Variants in CPSF3 observed in about 807,000 individuals in gnomAD.
CPSF3 encodes cleavage and polyadenylation specific factor 3.
A neutral mutation model predicts 84.1 loss-of-function variants in CPSF3; 57 were observed. The ratio of observed to expected loss-of-function variants is 0.68; its 90% CI spans 0.55 to 0.85. The LOEUF (loss-of-function observed/expected upper bound fraction) is 0.85, where lower values mean the gene tolerates loss of function less well. Ranked by LOEUF, CPSF3 falls within the 40% of genes least tolerant of loss-of-function variation. CPSF3 has a pLI of 0.00. For synonymous variants in CPSF3, 275 were observed against 278.1 expected, an observed-to-expected ratio of 0.99 and a Z score of 0.11; for missense variants, 522 against 838.8, an observed-to-expected ratio of 0.62 and a Z score of 4.66.
Position 9,440,391 on chromosome 2 carries a change from T to C in CPSF3, c.761-100T>C, listed in dbSNP as rs557252485. 1.9e-5 allele frequency: 18 copies of C among 940,458 alleles called. No homozygotes were observed. The African/African-American group carries it at 2.0e-4, about 10-fold the overall frequency. The allele number at this position is 940,458 out of a possible 1,614,324, so 58.3% of individuals were successfully genotyped here. A position where few individuals can be genotyped will look rare whatever the true frequency, so the allele number is the denominator to read the frequency against. ...TATAGTTGTGTGCTTTATTTCTTGG[T>C]TGTATGTGTATCATTTCTTGTTCTG... On this transcript the variant is annotated intron_variant, in intron 7 of 17. Transcript: ENST00000238112.
intron 11 of CPSF3, among the ~76,000 whole-genome samples, chr2:9,451,380 T>A (rs1393315903): frequency 6.6e-6 from 1 of 152,336 alleles, no homozygotes; most frequent in East Asian, 1.9e-4. Context: ...CTGTTTGCCC[T>A]TACTTGCTTA....
intron 16 of CPSF3, among the ~76,000 whole-genome samples, chr2:9,469,500 G>A (rs1183693908): frequency 6.6e-6 from 1 of 152,172 alleles, no homozygotes; most frequent in Non-Finnish European, 1.5e-5. Context: ...GCTGCAGTCG[G>A]GGTGCAGAAT....
intron 12 of CPSF3, among the ~76,000 whole-genome samples, chr2:9,453,965 A>G (rs1681422733): frequency 6.6e-6 from 1 of 152,200 alleles, no homozygotes; most frequent in African/African-American, 2.4e-5. Flanking sequence ...CATAGTTGAT[A>G]CACATTTCCA....
At chr2:9,466,346 G>GCA (rs1681963335) in intron 15 of CPSF3, among the ~76,000 whole-genome samples, 2 of 90,086 alleles carry the variant, frequency 2.2e-5, no homozygotes, top group East Asian at 4.8e-4. Context: ...ACACACGCGC[G>GCA]CGCGCGCACA....
intron 4 of CPSF3, among the ~76,000 whole-genome samples, chr2:9,431,532 T>A (rs1448834968): frequency 1.7e-4 from 18 of 106,278 alleles, no homozygotes; most frequent in Non-Finnish European, 3.6e-4. Context: ...TATACATATT[T>A]TTTTTTTCTT....
intron 8 of CPSF3, 113 bp from the exon 9 acceptor site, chr2:9,441,705 C>T: frequency 9.6e-7 from 1 of 1,040,158 alleles, no homozygotes; most frequent in South Asian, 1.6e-5. Context: ...CTTGTGAAGG[C>T]TCTTTCAGTG....
At position 9,441,759 on chromosome 2, in the gene CPSF3, G is replaced by T. The variant is rs112943345; in HGVS notation, c.937-59G>T. On this transcript the variant is annotated intron_variant, in intron 8 of 17. Transcript: ENST00000238112. ...CCTTTTGTTATTCTTTAAAAAGAAA[G>T]AATGCTTTGTCAGCTGCTGGTAGCT... 234 of 1,541,590 alleles carry T rather than the reference G, an allele frequency of 1.5e-4. 2 individuals are homozygous for T. The African/African-American group carries it at 2.2e-3, about 15-fold the overall frequency.
At position 9,431,529 on chromosome 2, in the gene CPSF3, ATTTTTTTTTTCT is replaced by A. The variant is rs1162568384; in HGVS notation, c.341+671_341+682del. Among the ~76,000 whole-genome samples the A allele has an allele frequency of 3.6e-3, 472 of 131,712 alleles. 4 individuals carry two copies. Among genetic ancestry groups the A allele is most frequent in the African/African-American group, 0.012 (383 of 32,428 alleles). 86.4% of individuals were successfully genotyped at this position (131,712 alleles called of 152,430 possible). On this transcript the variant is annotated intron_variant, in intron 4 of 17. Coordinates refer to ENST00000238112, the MANE Select transcript of CPSF3 (RefSeq NM_016207.4). ...CACACAAAGATAAATAAATATACAT[ATTTTTTTTTTCT>A]TTTTTTTTTTCTTTTTTTTTTGAGA...
intron 16 of CPSF3, among the ~76,000 whole-genome samples, chr2:9,470,693 G>A (rs1682134909): frequency 1.3e-5 from 2 of 152,182 alleles, no homozygotes; most frequent in Non-Finnish European, 2.9e-5. Flanking sequence ...TTGAATGCCG[G>A]CTCAGCTGTT....
At chr2:9,463,133 T>C (rs1681788375) in intron 15 of CPSF3, among the ~76,000 whole-genome samples, 1 of 152,212 alleles carries the variant, frequency 6.6e-6, no homozygotes, top group African/African-American at 2.4e-5. Context: ...CAGGGCTTCC[T>C]GATAGGGTTT....
chr2:9,442,145 G>A (rs1680975499), intron 9 of CPSF3, among the ~76,000 whole-genome samples, 169 bp downstream of exon 9: 2 of 152,208 alleles, frequency 1.3e-5, no homozygotes, highest in Non-Finnish European at 2.9e-5. Flanking sequence ...GTAGAATTAT[G>A]CAGACACTGA....
intron 15 of CPSF3, among the ~76,000 whole-genome samples, chr2:9,461,840 C>CA (rs1159431233): frequency 6.7e-6 from 1 of 148,378 alleles, no homozygotes. Context: ...CGGCTCACTG[C>CA]AACCTCTGCC....
chr2:9,440,522 T>C lies in CPSF3; in HGVS notation c.792T>C (p.His264=). ...DEYWQNHPEL[H]DIPIYYASSL... ...ACTGGCAGAATCACCCAGAACTACA[T>C]GACATTCCAATATACTATGCATCAT... The change falls in exon 8 of 18, where the codon CAT becomes CAC. Residue 264 remains histidine, a synonymous_variant. Coordinates refer to ENST00000238112, the MANE Select transcript of CPSF3 (RefSeq NM_016207.4). The C allele has an allele frequency of 6.2e-7, 1 of 1,614,160 alleles. No individual in the cohort carries two copies. The highest frequency in any genetic ancestry group is 8.5e-7 in the Non-Finnish European group (1 of 1,180,006).
intron 5 of CPSF3, among the ~76,000 whole-genome samples, chr2:9,433,534 A>T (rs1335954878): frequency 6.6e-6 from 1 of 152,190 alleles, no homozygotes; most frequent in African/African-American, 2.4e-5. Context: ...CCGGTTTTAG[A>T]CCATGTACCT....
chr2:9,435,796 G>A (rs1182312012), intron 6 of CPSF3, among the ~76,000 whole-genome samples: 1 of 151,782 alleles, frequency 6.6e-6, no homozygotes, highest in Non-Finnish European at 1.5e-5. Context: ...GCAATGGTGC[G>A]ATCTCGGCTC....
chr2:9,440,926 C>A (rs1200513102), intron 8 of CPSF3, among the ~76,000 whole-genome samples: 2 of 152,214 alleles, frequency 1.3e-5, no homozygotes, highest in African/African-American at 2.4e-5. Context: ...AGTCTTACCG[C>A]TTCTCAACAG....
chr2:9,459,976 C>A (rs1681681628), intron 15 of CPSF3, among the ~76,000 whole-genome samples: 1 of 151,884 alleles, frequency 6.6e-6, no homozygotes, highest in Admixed American at 6.6e-5. Flanking sequence ...TTTCATTTTT[C>A]TTATGTTTCT....
At position 9,443,503 on chromosome 2, in the gene CPSF3, T is replaced by C. The variant is rs753100683; in HGVS notation, c.1096-12T>C. On this transcript the variant is annotated splice_polypyrimidine_tract_variant and intron_variant, in intron 9 of 17. Coordinates refer to ENST00000238112, the MANE Select transcript of CPSF3 (RefSeq NM_016207.4). ...GGTAGTTTGTTTTGTTATTTTTCTTTATTTTCCACAGCACATCATGTCTGA... is the reference window on the plus strand; with the variant it reads ...GGTAGTTTGTTTTGTTATTTTTCTTCATTTTCCACAGCACATCATGTCTGA... The C allele has an allele frequency of 6.3e-6, 10 of 1,595,298 alleles. No individual in the cohort carries two copies. Among genetic ancestry groups the C allele is most frequent in the African/African-American group, 1.3e-5 (1 of 74,214 alleles).
At position 9,451,866 on chromosome 2, in the gene CPSF3, G is replaced by A. The variant is rs968755813; in HGVS notation, c.1396-1047G>A. 8.6e-5 allele frequency among the ~76,000 whole-genome samples: 13 copies of A among 151,928 alleles called. No individual in the cohort carries two copies. The South Asian group carries it at 1.2e-3, about 15-fold the overall frequency. On this transcript the variant is annotated intron_variant, in intron 11 of 17. Transcript: ENST00000238112. ...CGAGTAGCTGGGACTACAGGCGCCC[G>A]CCACCACGGCCAGCTAGTTTTTTGT...
Sources: gnomAD v4.1 joint callset for allele counts (sites outside exome capture counted in the v4.1 genomes callset) on GRCh38, gnomAD v4.1.1 for gene constraint, MANE v1.5 for transcripts, NCBI Gene and HGNC (gene_info 2026-07-23, HGNC 2026-07-21) for gene names.